ACTN3: variants seen among roughly 807,000 people sequenced by gnomAD.
ACTN3 encodes alpha-actinin-3.
In ACTN3, 91 loss-of-function variants were observed where a neutral mutation model predicts 119.6. The ratio of observed to expected loss-of-function variants is 0.76; its 90% CI spans 0.64 to 0.91. ACTN3 has a LOEUF of 0.91. Ranked by LOEUF, ACTN3 falls within the 40% of genes least tolerant of loss-of-function variation. ACTN3 has a pLI of 0.00. For synonymous variants in ACTN3, 456 were observed against 478.8 expected (o/e 0.95, Z 0.62); for missense variants, 1,221 against 1,215.1 (o/e 1.00, Z -0.07).
chr11:66,559,642 G>A (rs985979195), intron 12 of ACTN3, among the ~76,000 whole-genome samples: 2 of 143,182 alleles, frequency 1.4e-5, no homozygotes, highest in African/African-American at 5.2e-5. Context: ...TAACCTGCCC[G>A]CTCTCTTCAC....
rs991497381 is a variant in ACTN3 at position 66,560,311 on chromosome 11, G to A, written c.1677G>A (p.Gln559=). The A allele has an allele frequency of 4.3e-6, 7 of 1,611,972 alleles. No individual in the cohort carries two copies. The highest frequency in any genetic ancestry group is 5.9e-6 in the Non-Finnish European group (7 of 1,179,022). ...TGGTACACTCTGTGGAGGAGACCCA[G>A]GTGGGTGCCAGGGTTGCAGGGGATG... The part of the protein sequence containing the change: ...VWLVHSVEET[Q]SLLTAHDQFK... Residue 559 remains glutamine, a splice_region_variant and synonymous_variant, in exon 14 of 21, where the codon CAG becomes CAA. Coordinates refer to ENST00000513398, the MANE Select transcript of ACTN3 (RefSeq NM_001104.4).
intron 1 of ACTN3, among the ~76,000 whole-genome samples, chr11:66,548,222 C>T (rs1857404381): frequency 6.6e-6 from 1 of 152,054 alleles, no homozygotes; most frequent in African/African-American, 2.4e-5. Flanking sequence ...TGGGGTGCCC[C>T]GGGTGACAGG....
At chr11:66,559,481 T>A in intron 12 of ACTN3, 95 bp downstream of exon 12, 1 of 1,221,210 alleles carries the variant, frequency 8.2e-7, no homozygotes, top group Non-Finnish European at 1.1e-6. Context: ...CTCAAGACAC[T>A]AGGCTCTCCT....
chr11:66,548,958 C>A (rs146808586), intron 1 of ACTN3, among the ~76,000 whole-genome samples: 1 of 152,306 alleles, frequency 6.6e-6, no homozygotes, highest in African/African-American at 2.4e-5. Context: ...CCATTCATCT[C>A]CACTCTGCAA....
intron 3 of ACTN3, among the ~76,000 whole-genome samples, chr11:66,552,424 A>G (rs1857492605): frequency 6.6e-6 from 1 of 152,044 alleles, no homozygotes; most frequent in African/African-American, 2.4e-5. Context: ...TCAGCCCCCA[A>G]ACCCTAGTAA....
intron 12 of ACTN3, among the ~76,000 whole-genome samples, chr11:66,559,607 CT>C (rs999700510): frequency 2.0e-5 from 3 of 151,504 alleles, no homozygotes; most frequent in African/African-American, 7.3e-5. Flanking sequence ...GGCGCTTGAC[CT>C]GTCTCACTCC....
chr11:66,560,766 CCTGCAGCCTTCCTCCCACCCCCTCCTG>C lies in ACTN3; in HGVS notation c.1860+13_1860+39del. The stretch of plus-strand genomic sequence containing the variant: ...ACCAAGTGGGATATGGTCAGTGCCA[CCTGCAGCCTTCCTCCCACCCCCTCCTG>C]CATACTGTGACCACCCTGAAATCTC... On this transcript the variant is annotated intron_variant, in intron 15 of 20. Transcript: ENST00000513398. 6.3e-7 allele frequency: 1 copy of C among 1,597,694 alleles called. No individual in the cohort carries two copies. Among genetic ancestry groups the C allele is most frequent in the Non-Finnish European group, 8.6e-7 (1 of 1,168,342 alleles).
chr11:66,559,883 C>A, intron 12 of ACTN3, 85 bp from the exon 13 acceptor site: 1 of 1,359,638 alleles, frequency 7.4e-7, no homozygotes, highest in South Asian at 1.3e-5. Context: ...CACCCCCATC[C>A]GGGGAGCAGG....
At chr11:66,558,479 TGCCTCA>T (rs1857654548) in intron 11 of ACTN3, among the ~76,000 whole-genome samples, 1 of 152,202 alleles carries the variant, frequency 6.6e-6, no homozygotes, top group Non-Finnish European at 1.5e-5. Flanking sequence ...GCGATCCTCC[TGCCTCA>T]GCCACCCAAG....
At chr11:66,560,860 T>C in intron 15 of ACTN3, 105 bp downstream of exon 15, 1 of 1,300,688 alleles carries the variant, frequency 7.7e-7, no homozygotes, top group African/African-American at 1.5e-5. Flanking sequence ...TCTTCAGATG[T>C]GGGGTCTGCC....
At position 66,562,097 on chromosome 11, in the gene ACTN3, A is replaced by T. The variant is rs556278635; in HGVS notation, c.2251A>T (p.Thr751Ser). Residue 751 changes from threonine (T) to serine (S), a missense_variant, in exon 18 of 21, where the codon ACC becomes TCC. Around this residue, in one of 3 missense-constraint regions of ACTN3, gnomAD observed 934 missense variants for 899.9 expected, o/e 1.04. Coordinates refer to ENST00000513398, the MANE Select transcript of ACTN3 (RefSeq NM_001104.4). ...CAATGAAGTGGAGAACCAGGTACTG[A>T]CCCGAGACGCCAAGGGACTGAGCCA... The part of the protein sequence containing the change: ...TINEVENQVL[T>S]RDAKGLSQEQ... 2 of 1,613,938 alleles carry T rather than the reference A, an allele frequency of 1.2e-6. No individual in the cohort carries two copies. The highest frequency in any genetic ancestry group is 2.2e-5 in the South Asian group (2 of 91,064).
intron 11 of ACTN3, 180 bp downstream of exon 11, chr11:66,558,354 T>G: frequency 4.9e-6 from 2 of 410,584 alleles, no homozygotes; most frequent in Non-Finnish European, 6.6e-6. Flanking sequence ...GCCTCTCTTT[T>G]GGCCACTGCC....
At chr11:66,562,231 G>GC in intron 18 of ACTN3, 26 bp from the exon 19 acceptor site, 1 of 1,613,842 alleles carries the variant, frequency 6.2e-7, no homozygotes, top group Non-Finnish European at 8.5e-7. Context: ...TGGAGACCAA[G>GC]CCTGATAACC....
chr11:66,560,461 T>TTG, intron 14 of ACTN3, 112 bp from the exon 15 acceptor site: 2 of 1,474,758 alleles, frequency 1.4e-6, no homozygotes, highest in South Asian at 2.7e-5. Flanking sequence ...GCCGGGGTTC[T>TTG]TGTGTCAGGA....
chr11:66,562,362 C>T lies in ACTN3; in HGVS notation c.2388+40C>T, dbSNP rs951194200. ...GCTCCTTCCCAGGAGTCCCAAAGTACCCCCTCCTCTGTGCTGATCACCTAC... is the reference window on the plus strand; with the variant it reads ...GCTCCTTCCCAGGAGTCCCAAAGTATCCCCTCCTCTGTGCTGATCACCTAC... On this transcript the variant is annotated intron_variant, in intron 19 of 20. Transcript: ENST00000513398. The T allele has an allele frequency of 3.1e-6, 5 of 1,600,376 alleles. No individual in the cohort carries two copies. The South Asian group carries it at 4.4e-5, about 14-fold the overall frequency.
At chr11:66,546,572 G>A (rs781556312), upstream of ACTN3, 2 of 1,535,690 alleles carry the variant, frequency 1.3e-6, no homozygotes, top group South Asian at 2.4e-5. Flanking sequence ...AGGAGCTCCA[G>A]AGGGCAGCCT....
intron 1 of ACTN3, among the ~76,000 whole-genome samples, chr11:66,549,687 C>T (rs890856107): frequency 5.0e-5 from 7 of 140,472 alleles, no homozygotes; most frequent in African/African-American, 1.9e-4. Context: ...GTAGAGATCG[C>T]ACCATTGCAC....
intron 11 of ACTN3, 139 bp downstream of exon 11, chr11:66,558,313 TC>T: frequency 7.8e-7 from 1 of 1,287,306 alleles, no homozygotes; most frequent in Non-Finnish European, 1.1e-6. Flanking sequence ...GGATTTCTAG[TC>T]CCACCCTGAC....
chr11:66,554,038 C>T lies in ACTN3; in HGVS notation c.383-7C>T. On this transcript the variant is annotated splice_region_variant and splice_polypyrimidine_tract_variant and intron_variant, in intron 3 of 20. Coordinates refer to ENST00000513398, the MANE Select transcript of ACTN3 (RefSeq NM_001104.4). ...GGCAAATCTGTCCCCTGACCCCTGC[C>T]CTGCAGAGATTGTTGACGGGAACCT... The T allele has an allele frequency of 6.2e-7, 1 of 1,613,424 alleles. No individual in the cohort carries two copies.
Sources: allele counts gnomAD v4.1 joint callset (sites outside exome capture counted in the v4.1 genomes callset), GRCh38; gene constraint gnomAD v4.1.1; regional missense constraint gnomAD v4.1.1; transcripts MANE v1.5; gene names NCBI Gene and HGNC (gene_info 2026-07-23, HGNC 2026-07-21).